Variants in AMMECR1 observed in about 807,000 individuals in gnomAD.
AMMECR1 encodes the protein nuclear protein AMMECR1.
Under a neutral mutation model 22.5 loss-of-function variants are expected in AMMECR1, and 3 were observed. The ratio of observed to expected loss-of-function variants is 0.13; its 90% CI spans 0.06 to 0.35. The LOEUF (loss-of-function observed/expected upper bound fraction) is 0.35, where lower values mean the gene tolerates loss of function less well. AMMECR1 is among the 10% of genes least tolerant of loss of function. The probability of loss-of-function intolerance (pLI) is 1.00; values close to 1 mark genes in which losing one functional copy is unlikely to be tolerated. For missense variants in AMMECR1, 235 were observed against 278.7 expected (o/e 0.84, Z 1.12); for synonymous variants, 130 against 116.7 (o/e 1.11, Z -0.74).
intron 2 of AMMECR1, among the ~76,000 whole-genome samples, chrX:110,374,155 T>C (rs1167884764): frequency 1.8e-5 from 2 of 111,899 alleles, no homozygotes. Flanking sequence ...ATTAAAACCA[T>C]GTACCTAGTT....
At chrX:110,364,642 T>G (rs538820387) in intron 2 of AMMECR1, among the ~76,000 whole-genome samples, 1 of 111,646 alleles carries the variant, frequency 9.0e-6, no homozygotes, top group South Asian at 3.8e-4. Flanking sequence ...CTGGCTAAAA[T>G]GGAAAAAATT....
At chrX:110,212,571 C>A (rs7890338) in intron 3 of AMMECR1, among the ~76,000 whole-genome samples, 3,318 of 111,977 alleles carry the variant, frequency 0.03, 129 homozygotes, top group African/African-American at 0.1. Flanking sequence ...CTGTAATAAT[C>A]TCCTTGTTTT....
At chrX:110,423,677 G>C (rs779541791) in intron 2 of AMMECR1, among the ~76,000 whole-genome samples, 17 of 112,535 alleles carry the variant, frequency 1.5e-4, no homozygotes, top group Admixed American at 1.0e-3. Flanking sequence ...GTCAGGCCCT[G>C]TACTTGTCTT....
Position 110,426,408 on chromosome X carries a change from G to A in AMMECR1, c.-148+250C>T, listed in dbSNP as rs981250056. On this transcript the variant is annotated intron_variant, in intron 2 of 7. Transcript: ENST00000372057. The stretch of plus-strand genomic sequence containing the variant: ...GATTGCTGGTAGTCTGCTTGCCCAC[G>A]GAGGAGACTTACAAATAGTCATGAC... Among the ~76,000 whole-genome samples the A allele has an allele frequency of 6.3e-5, 7 of 111,480 alleles. No homozygotes were observed. The East Asian group carries it at 8.4e-4, about 13-fold the overall frequency.
At chrX:110,226,124 A>G (rs1463967396) in intron 2 of AMMECR1, among the ~76,000 whole-genome samples, 1 of 112,265 alleles carries the variant, frequency 8.9e-6, no homozygotes, top group African/African-American at 3.2e-5. Context: ...ATATTTAGAC[A>G]TGGCACTATG....
rs964273092 is a variant in AMMECR1, at chrX:110,317,529, C to A, written c.473+70G>T. ...GCATCCGCCGGCCGGGAGGCGGACTCGCACTTTGCCTCAACTCTGAGCCCC... is the reference window on the plus strand; with the variant it reads ...GCATCCGCCGGCCGGGAGGCGGACTAGCACTTTGCCTCAACTCTGAGCCCC... On this transcript the variant is annotated intron_variant, in intron 1 of 5. Coordinates refer to ENST00000262844, the MANE Select transcript of AMMECR1 (RefSeq NM_015365.3). 4 of 1,089,485 alleles carry A rather than the reference C, an allele frequency of 3.7e-6. No homozygotes were observed. In the African/African-American group the frequency reaches 7.5e-5, roughly 20 times the overall value. 89.8% of individuals were successfully genotyped at this position (1,089,485 alleles called of 1,213,427 possible).
At chrX:110,223,186 T>C (rs2067513335) in intron 2 of AMMECR1, among the ~76,000 whole-genome samples, 1 of 112,483 alleles carries the variant, frequency 8.9e-6, no homozygotes, top group Admixed American at 9.4e-5. Context: ...TAAATGTTTG[T>C]ATATACAGAA....
intron 2 of AMMECR1, among the ~76,000 whole-genome samples, chrX:110,343,512 G>A (rs1234787925): frequency 3.6e-5 from 4 of 111,051 alleles, no homozygotes; most frequent in Non-Finnish European, 1.9e-5. Flanking sequence ...GCAGGAGAAA[G>A]AAATAAAGGG....
At chrX:110,221,846 T>C (rs1482438593) in intron 2 of AMMECR1, among the ~76,000 whole-genome samples, 2 of 109,922 alleles carry the variant, frequency 1.8e-5, no homozygotes, top group African/African-American at 6.6e-5. Flanking sequence ...CATGAAAAAA[T>C]GCTCATCATC....
intron 2 of AMMECR1, among the ~76,000 whole-genome samples, chrX:110,262,065 CATA>C (rs747295445): frequency 1.2e-3 from 129 of 111,688 alleles, no homozygotes; most frequent in Non-Finnish European, 2.2e-3. Flanking sequence ...CAAAAATAAT[CATA>C]ATAACATAAT....
At chrX:110,257,796 T>C (rs1170246348) in intron 2 of AMMECR1, among the ~76,000 whole-genome samples, 3 of 111,933 alleles carry the variant, frequency 2.7e-5, no homozygotes, top group Non-Finnish European at 5.6e-5. Flanking sequence ...TACCTAGGAC[T>C]ACAATTATTT....
chrX:110,408,316 T>G (rs1184818192), intron 2 of AMMECR1, among the ~76,000 whole-genome samples: 2 of 111,922 alleles, frequency 1.8e-5, no homozygotes, highest in Non-Finnish European at 3.8e-5. Flanking sequence ...CTGGTGGCTC[T>G]CAACTGAGAC....
At chrX:110,292,398 AC>A (rs1271715210) in intron 1 of AMMECR1, among the ~76,000 whole-genome samples, 1 of 112,110 alleles carries the variant, frequency 8.9e-6, no homozygotes, top group Non-Finnish European at 1.9e-5. Flanking sequence ...TCCACACAAA[AC>A]CCACAGAAAA....
At chrX:110,224,768 C>T (rs73540293) in intron 2 of AMMECR1, among the ~76,000 whole-genome samples, 2,435 of 110,774 alleles carry the variant, frequency 0.022, 71 homozygotes, top group African/African-American at 0.076. Flanking sequence ...AGATATATTA[C>T]TCTCTATCCT....
chrX:110,393,593 TTTC>T (rs2068509220), intron 2 of AMMECR1, among the ~76,000 whole-genome samples: 1 of 111,942 alleles, frequency 8.9e-6, no homozygotes, highest in African/African-American at 3.2e-5. Context: ...CCTCTAAAAG[TTTC>T]TTCTTCTAGG....
intron 1 of AMMECR1, among the ~76,000 whole-genome samples, chrX:110,292,216 C>G (rs781383787): frequency 2.7e-5 from 3 of 112,246 alleles, no homozygotes; most frequent in Non-Finnish European, 5.6e-5. Flanking sequence ...ACAGAAGTAT[C>G]TCCAAGGATG....
At position 110,278,729 on chromosome X, in the gene AMMECR1, A is replaced by G. The variant is rs187320997; in HGVS notation, c.474-14130T>C. On this transcript the variant is annotated intron_variant, in intron 1 of 5. Coordinates refer to ENST00000262844, the MANE Select transcript of AMMECR1 (RefSeq NM_015365.3). ...TTAAAAAGCCTCCAGCTGAACTGCT[A>G]GGTACATGACAGAAGACAAATCAGC... Among the ~76,000 whole-genome samples the G allele has an allele frequency of 2.7e-5, 3 of 112,248 alleles. No homozygotes were observed. In the East Asian group the frequency reaches 8.3e-4, roughly 31 times the overall value.
chrX:110,312,667 G>T (rs956701862), intron 1 of AMMECR1, among the ~76,000 whole-genome samples: 1 of 111,687 alleles, frequency 9.0e-6, no homozygotes, highest in Non-Finnish European at 1.9e-5. Flanking sequence ...CATCCTTCTA[G>T]CTCAGTCACT....
intron 2 of AMMECR1, among the ~76,000 whole-genome samples, chrX:110,421,796 G>A (rs1194098500): frequency 8.9e-6 from 1 of 112,600 alleles, no homozygotes; most frequent in Non-Finnish European, 1.9e-5. Context: ...TCTGGTCCCG[G>A]TCCTTGCCAA....
Sources: gnomAD v4.1 joint callset for allele counts (sites outside exome capture counted in the v4.1 genomes callset) on GRCh38, gnomAD v4.1.1 for gene constraint, MANE v1.5 for transcripts, NCBI Gene and HGNC (gene_info 2026-07-23, HGNC 2026-07-21) for gene names.